The following CIB4 variants were observed in gnomAD, a reference collection of about 807,000 sequenced individuals.
The protein encoded by CIB4 is calcium and integrin-binding family member 4.
Under a neutral mutation model 25.8 loss-of-function variants are expected in CIB4, and 25 were observed. The ratio of observed to expected loss-of-function variants is 0.97; its 90% CI spans 0.71 to 1.35. The LOEUF (loss-of-function observed/expected upper bound fraction) is 1.35. Among genes scored for constraint, CIB4 ranks in the 40% most tolerant of loss-of-function variants. The pLI, the probability that CIB4 is intolerant of heterozygous loss-of-function variation, is 0.00. For synonymous variants in CIB4, 75 were observed against 81.4 expected (o/e 0.92, Z 0.42); for missense variants, 235 against 228.2 (o/e 1.03, Z -0.19).
chr2:26,623,463 T>C, intron 3 of CIB4: 1 of 465,174 alleles, frequency 2.1e-6, no homozygotes, highest in Non-Finnish European at 4.5e-6. Flanking sequence ...TTTCATCGCT[T>C]TCAGCCTTGG....
chr2:26,593,306 ATG>A (rs142260376), intron 4 of CIB4, among the ~76,000 whole-genome samples: 4,337 of 147,478 alleles, frequency 0.029, 185 homozygotes, highest in African/African-American at 0.1. Flanking sequence ...ATGTAGAGAT[ATG>A]TGTGTGTGTG....
chr2:26,610,660 C>T (rs1668981140), intron 3 of CIB4, among the ~76,000 whole-genome samples: 1 of 152,120 alleles, frequency 6.6e-6, no homozygotes, highest in African/African-American at 2.4e-5. Context: ...CCCTCGGGTC[C>T]AAGAAGGGCA....
rs1249320418 is a variant in CIB4, at chr2:26,582,809, C to A, written c.527+16G>T. ...CCACTCTCCTGGACAGTCTCACCCC[C>A]TCCAGAATGCCTTACTTCATGAAAT... On this transcript the variant is annotated intron_variant, in intron 6 of 6. Transcript: ENST00000288861. 2 of 1,567,002 alleles carry A rather than the reference C, an allele frequency of 1.3e-6. No homozygotes were observed. The highest frequency in any genetic ancestry group is 1.1e-5 in the South Asian group (1 of 89,946).
chr2:26,583,929 C>G lies in CIB4; in HGVS notation c.329-31G>C, dbSNP rs200151940. ...AAGAAGAGGCCAGGCCTGCATTAGA[C>G]GGAGCTGGGGGCTAAACAGGAAGAG... is the stretch of plus-strand genomic sequence containing the variant. On this transcript the variant is annotated intron_variant, in intron 4 of 6. Transcript: ENST00000288861. The G allele has an allele frequency of 2.5e-5, 36 of 1,416,166 alleles. No individual in the cohort carries two copies. In the Admixed American group the frequency reaches 5.9e-4, roughly 23 times the overall value. 87.7% of individuals were successfully genotyped at this position (1,416,166 alleles called of 1,614,324 possible). A position where few individuals can be genotyped will look rare whatever the true frequency, so the allele number is the denominator to read the frequency against.
At position 26,627,306 on chromosome 2, in the gene CIB4, G is replaced by T. The variant is rs1049867036; in HGVS notation, c.186+2104C>A. Among the ~76,000 whole-genome samples, 4 of 152,224 alleles carry T rather than the reference G, an allele frequency of 2.6e-5. No homozygotes were observed. Among genetic ancestry groups the T allele is most frequent in the Admixed American group, 6.5e-5 (1 of 15,284 alleles). On this transcript the variant is annotated intron_variant, in intron 3 of 6. Transcript: ENST00000288861. This position sits in a 1 kb window ranked among gnomAD's most constrained non-coding sequence, Gnocchi z 4.0. ...GAACTAGTCCAGACTCTTCCATCATGTGGCCCCTTGGAAGTTGTTTCCCTC... is the reference window on the plus strand; with the variant it reads ...GAACTAGTCCAGACTCTTCCATCATTTGGCCCCTTGGAAGTTGTTTCCCTC...
chr2:26,596,603 C>T (rs1299330400), intron 3 of CIB4, among the ~76,000 whole-genome samples: 2 of 151,918 alleles, frequency 1.3e-5, no homozygotes, highest in Admixed American at 1.3e-4. Context: ...AAAAATTAGC[C>T]GGGCGTGGTC....
At chr2:26,628,458 G>T (rs919106583) in intron 3 of CIB4, among the ~76,000 whole-genome samples, 1 of 152,150 alleles carries the variant, frequency 6.6e-6, no homozygotes, top group Non-Finnish European at 1.5e-5. Flanking sequence ...CACAGCAAGG[G>T]TGTGTGTTTG....
intron 3 of CIB4, among the ~76,000 whole-genome samples, chr2:26,602,774 G>T (rs553130503): frequency 6.6e-6 from 1 of 152,122 alleles, no homozygotes; most frequent in African/African-American, 2.4e-5. Flanking sequence ...TGAGAAGGGC[G>T]GTTCAGGCCA....
At chr2:26,623,824 C>A (rs1364576842) in intron 3 of CIB4, among the ~76,000 whole-genome samples, 8 of 152,202 alleles carry the variant, frequency 5.3e-5, no homozygotes, top group Non-Finnish European at 1.5e-5. Flanking sequence ...CTGTTTCCAG[C>A]CATCCCCAGT....
intron 4 of CIB4, among the ~76,000 whole-genome samples, chr2:26,589,577 C>T (rs1228526042): frequency 6.6e-6 from 1 of 152,206 alleles, no homozygotes; most frequent in Non-Finnish European, 1.5e-5. Context: ...CCACCTCAGC[C>T]TCTCAAAGTG....
chr2:26,592,302 G>A (rs1282545646), intron 4 of CIB4, among the ~76,000 whole-genome samples: 2 of 152,222 alleles, frequency 1.3e-5, no homozygotes, highest in African/African-American at 2.4e-5. Flanking sequence ...AGGCCTGGCC[G>A]AGAGGAGCAG....
chr2:26,623,714 G>C, intron 3 of CIB4: 1 of 351,292 alleles, frequency 2.8e-6, no homozygotes, highest in Non-Finnish European at 6.1e-6. Flanking sequence ...CAGGAAGCCC[G>C]GAGCAGGAGG....
intron 3 of CIB4, among the ~76,000 whole-genome samples, chr2:26,629,207 T>C (rs1183080683): frequency 1.3e-5 from 2 of 152,064 alleles, no homozygotes; most frequent in Non-Finnish European, 2.9e-5. Context: ...GAGGTGAGGA[T>C]GGAGGGAGGC....
chr2:26,581,794 C>A (rs902981484), intron 6 of CIB4, among the ~76,000 whole-genome samples: 4 of 152,174 alleles, frequency 2.6e-5, no homozygotes, highest in African/African-American at 4.8e-5. Flanking sequence ...CCCTAGCAGG[C>A]CTGTTGGAAT....
chr2:26,605,309 A>G (rs770699382), intron 3 of CIB4, among the ~76,000 whole-genome samples: 2 of 134,004 alleles, frequency 1.5e-5, no homozygotes, highest in African/African-American at 2.9e-5. Flanking sequence ...TTGTTCAAGT[A>G]AAAAAAAAAA....
At chr2:26,617,392 G>T (rs1289873266) in intron 3 of CIB4, among the ~76,000 whole-genome samples, 1 of 152,294 alleles carries the variant, frequency 6.6e-6, no homozygotes, top group Admixed American at 6.5e-5. Flanking sequence ...AGGCAAGTTG[G>T]CAGGACAGTC....
At position 26,629,412 on chromosome 2, in the gene CIB4, G is replaced by T. The variant is rs775488040; in HGVS notation, c.184C>A (p.Arg62=). Residue 62 remains arginine, a splice_region_variant and synonymous_variant, in exon 3 of 7, where the codon CGG becomes AGG. Transcript: ENST00000288861. ...MDQVSSLPAL[R]VNPFRDRICR... ...CCCACCCACCATCCTGGACTCACCC[G>T]CAGAGCTGGCAGGGAGCTGACCTGG... 2 of 1,551,590 alleles carry T rather than the reference G, an allele frequency of 1.3e-6. No individual in the cohort carries two copies. The highest frequency in any genetic ancestry group is 4.8e-5 in the East Asian group (2 of 41,884).
intron 3 of CIB4, among the ~76,000 whole-genome samples, chr2:26,596,428 T>C (rs1668683807): frequency 6.6e-6 from 1 of 152,140 alleles, no homozygotes; most frequent in Non-Finnish European, 1.5e-5. Flanking sequence ...GAAATGGTTC[T>C]TTTTTAAAAA....
chr2:26,589,045 TTCTTCTTCTTCTTCCTCTTCCTCTTCC>T (rs1558554744), intron 4 of CIB4, among the ~76,000 whole-genome samples: 22 of 47,816 alleles, frequency 4.6e-4, no homozygotes, highest in African/African-American at 1.9e-3. Context: ...CTTCTTCTTC[TTCTTCTTCTTCTTCCTCTTCCTCTTCC>T]TCTTCTTCTT....
Sources: gnomAD v4.1 joint callset for allele counts (sites outside exome capture counted in the v4.1 genomes callset) on GRCh38, gnomAD v4.1.1 for gene constraint, Gnocchi (gnomAD v3.1) non-coding constraint, MANE v1.5 for transcripts, NCBI Gene and HGNC (gene_info 2026-07-23, HGNC 2026-07-21) for gene names.